PLEKHM3: variants seen among roughly 807,000 people sequenced by gnomAD.
The protein encoded by PLEKHM3 is pleckstrin homology domain containing M3, also known as pleckstrin homology domain-containing family M member 3.
Under a neutral mutation model 81.8 loss-of-function variants are expected in PLEKHM3, and 45 were observed. The observed-to-expected ratio is 0.55, with a 90% CI of 0.43 to 0.71. The LOEUF (loss-of-function observed/expected upper bound fraction) is 0.71. Among genes scored for constraint, PLEKHM3 ranks in the 30% least tolerant of loss-of-function variants. PLEKHM3 has a pLI of 0.00. For missense variants in PLEKHM3, 788 were observed against 924.3 expected (o/e 0.85, Z 1.91); for synonymous variants, 352 against 356.4 (o/e 0.99, Z 0.14).
chr2:207,920,764 T>G (rs1407977553), intron 5 of PLEKHM3, among the ~76,000 whole-genome samples: 1 of 152,084 alleles, frequency 6.6e-6, no homozygotes, highest in Non-Finnish European at 1.5e-5. Flanking sequence ...GGCAACCCTA[T>G]AGTTAACTTC....
intron 1 of PLEKHM3, among the ~76,000 whole-genome samples, chr2:208,011,107 T>C (rs1574490077): frequency 6.7e-6 from 1 of 149,404 alleles, no homozygotes; most frequent in Admixed American, 6.7e-5. Context: ...GGCGTGGATG[T>C]GGTGAAAAGG....
At chr2:208,022,076 G>T (rs1169764389) in intron 1 of PLEKHM3, among the ~76,000 whole-genome samples, 1 of 152,206 alleles carries the variant, frequency 6.6e-6, no homozygotes, top group Non-Finnish European at 1.5e-5. Flanking sequence ...TGGGTCAAAA[G>T]GTAGGAGCAT....
At position 208,001,793 on chromosome 2, in the gene PLEKHM3, G is replaced by A; in HGVS notation, c.-154C>T. 7.9e-7 allele frequency: 1 copy of A among 1,259,740 alleles called. No homozygotes were observed. The highest frequency in any genetic ancestry group is 1.1e-6 in the Non-Finnish European group (1 of 926,736). 78.0% of individuals were successfully genotyped at this position (1,259,740 alleles called of 1,614,324 possible). On this transcript the variant is annotated 5_prime_UTR_variant, in exon 2 of 8. Coordinates refer to ENST00000427836, the MANE Select transcript of PLEKHM3 (RefSeq NM_001080475.3). ...CTCCCTGGAGCAGGCCAAACCCAAA[G>A]TGGTTGATGTTTTCCTGGTAATTAA...
At chr2:207,925,786 T>G (rs1477298983) in intron 5 of PLEKHM3, among the ~76,000 whole-genome samples, 11 of 152,154 alleles carry the variant, frequency 7.2e-5, no homozygotes, top group African/African-American at 2.4e-4. Context: ...AGGGGCGCAT[T>G]GTAATGGCCT....
intron 5 of PLEKHM3, among the ~76,000 whole-genome samples, chr2:207,923,547 C>T (rs1319854038): frequency 3.3e-5 from 5 of 151,910 alleles, no homozygotes; most frequent in South Asian, 2.1e-4. Flanking sequence ...GTGGAGGTTG[C>T]GGTGAGCCGA....
At chr2:208,017,779 G>T (rs898887658) in intron 1 of PLEKHM3, among the ~76,000 whole-genome samples, 1 of 152,036 alleles carries the variant, frequency 6.6e-6, no homozygotes, top group Non-Finnish European at 1.5e-5. Flanking sequence ...TTTTCTTTTT[G>T]CTAAACCCTA....
chr2:207,915,819 A>C (rs1688974045), intron 5 of PLEKHM3, among the ~76,000 whole-genome samples: 1 of 152,244 alleles, frequency 6.6e-6, no homozygotes, highest in Admixed American at 6.5e-5. Context: ...CTGTCTTCCA[A>C]GAATATGTGC....
chr2:207,998,095 C>T (rs1013640508), intron 2 of PLEKHM3, among the ~76,000 whole-genome samples: 2 of 150,214 alleles, frequency 1.3e-5, no homozygotes, highest in Non-Finnish European at 2.9e-5. Flanking sequence ...TGCCCTTCAA[C>T]TGATGGGCAA....
At chr2:207,949,331 T>C (rs555940861) in intron 3 of PLEKHM3, among the ~76,000 whole-genome samples, 14 of 152,218 alleles carry the variant, frequency 9.2e-5, no homozygotes, top group Non-Finnish European at 1.9e-4. Context: ...GTGGATTGCT[T>C]GAGCCCAGGA....
intron 1 of PLEKHM3, among the ~76,000 whole-genome samples, chr2:208,014,749 T>C (rs1342038364): frequency 6.6e-6 from 1 of 152,260 alleles, no homozygotes; most frequent in East Asian, 1.9e-4. Flanking sequence ...ACCATTAGCA[T>C]GGCATAGATT....
Position 208,001,535 on chromosome 2 carries a change from C to T in PLEKHM3, c.105G>A (p.Glu35=). The T allele has an allele frequency of 6.2e-7, 1 of 1,614,178 alleles. No individual in the cohort carries two copies. The highest frequency in any genetic ancestry group is 8.5e-7 in the Non-Finnish European group (1 of 1,180,040). ...SNLEKAVQQA[E]VYGIQEVPEL... ...CAGGGACTTCCTGGATCCCATAAAC[C>T]TCTGCCTGCTGCACAGCCTTTTCTA... The change falls in exon 2 of 8, where the codon GAG becomes GAA. Residue 35 remains glutamate, a synonymous_variant. Coordinates refer to ENST00000427836, the MANE Select transcript of PLEKHM3 (RefSeq NM_001080475.3).
At chr2:207,974,603 T>C (rs1466893272) in intron 3 of PLEKHM3, among the ~76,000 whole-genome samples, 1 of 152,190 alleles carries the variant, frequency 6.6e-6, no homozygotes, top group Non-Finnish European at 1.5e-5. Flanking sequence ...CACGGAAGTG[T>C]ACCATAATTC....
chr2:207,958,787 A>G (rs1485616283), intron 3 of PLEKHM3, among the ~76,000 whole-genome samples: 2 of 152,132 alleles, frequency 1.3e-5, no homozygotes, highest in Non-Finnish European at 2.9e-5. Context: ...GCACACGCCT[A>G]TAATCCCAGC....
intron 7 of PLEKHM3, among the ~76,000 whole-genome samples, chr2:207,842,771 G>T (rs891389611): frequency 6.6e-6 from 1 of 152,166 alleles, no homozygotes; most frequent in Non-Finnish European, 1.5e-5. Flanking sequence ...TATGTAAGAA[G>T]TCACTGAAAA....
intron 1 of PLEKHM3, among the ~76,000 whole-genome samples, chr2:208,005,141 T>C (rs541264516): frequency 6.2e-4 from 94 of 152,318 alleles, no homozygotes; most frequent in Middle Eastern, 3.4e-3. Flanking sequence ...TTTATATCTA[T>C]AAAATTATTA....
At chr2:207,960,216 TAAG>T (rs770441587) in intron 3 of PLEKHM3, among the ~76,000 whole-genome samples, 11 of 152,296 alleles carry the variant, frequency 7.2e-5, no homozygotes, top group East Asian at 1.9e-4. Flanking sequence ...ACTGCTGAGT[TAAG>T]AAGAAGGACC....
intron 6 of PLEKHM3, among the ~76,000 whole-genome samples, chr2:207,889,190 A>T (rs1472139669): frequency 6.6e-6 from 1 of 152,184 alleles, no homozygotes; most frequent in African/African-American, 2.4e-5. Context: ...TATGCTTGGC[A>T]CTGTTGCACA....
At chr2:207,889,031 C>A in intron 6 of PLEKHM3, among the ~76,000 whole-genome samples, 1 of 152,130 alleles carries the variant, frequency 6.6e-6, no homozygotes, top group East Asian at 1.9e-4. Context: ...CCTCTATGTT[C>A]TGGGGTAAAT....
At chr2:207,954,289 G>A (rs1272560388) in intron 3 of PLEKHM3, among the ~76,000 whole-genome samples, 2 of 152,120 alleles carry the variant, frequency 1.3e-5, no homozygotes, top group East Asian at 3.9e-4. Context: ...CCAGGAGTTC[G>A]AGGGTTCAAT....
Sources: gnomAD v4.1 joint callset for allele counts (sites outside exome capture counted in the v4.1 genomes callset) on GRCh38, gnomAD v4.1.1 for gene constraint, MANE v1.5 for transcripts, NCBI Gene and HGNC (gene_info 2026-07-23, HGNC 2026-07-21) for gene names.